Variants in MFSD6 observed in about 807,000 individuals in gnomAD.
MFSD6 encodes major facilitator superfamily domain-containing protein 6.
A neutral mutation model predicts 56.3 loss-of-function variants in MFSD6; 26 were observed. That is an observed-to-expected ratio of 0.46 (90% CI 0.34 to 0.64). MFSD6 has a LOEUF of 0.64. Among genes scored for constraint, MFSD6 ranks in the 30% least tolerant of loss-of-function variants. The pLI is 0.01. For synonymous variants in MFSD6, 331 were observed against 366.9 expected, an observed-to-expected ratio of 0.90 and a Z score of 1.12; for missense variants, 750 against 986.2, an observed-to-expected ratio of 0.76 and a Z score of 3.21.
chr2:190,484,425 T>C (rs768028803), intron 4 of MFSD6, among the ~76,000 whole-genome samples: 4 of 152,276 alleles, frequency 2.6e-5, no homozygotes, highest in Non-Finnish European at 5.9e-5. Flanking sequence ...ATTTTCTTTT[T>C]CTAGTTTATA....
rs1685802742 is a variant in MFSD6, at chr2:190,426,993, A to G, written c.-53-8984A>G. Among the ~76,000 whole-genome samples the G allele has an allele frequency of 6.6e-6, 1 of 152,172 alleles. No homozygotes were observed. Among genetic ancestry groups the G allele is most frequent in the African/African-American group, 2.4e-5 (1 of 41,450 alleles). Reference sequence around the variant, plus strand: ...GGTGAAAGACTTTTCATTACTGTGAAGTGGAGATGGGCATTTCAGCTCCCC... The same window carrying G: ...GGTGAAAGACTTTTCATTACTGTGAGGTGGAGATGGGCATTTCAGCTCCCC... On this transcript the variant is annotated intron_variant, in intron 2 of 7. Transcript: ENST00000392328. This position sits in a 1 kb window ranked among gnomAD's most constrained non-coding sequence, Gnocchi z 4.7.
rs991438325 is a variant in MFSD6, at chr2:190,417,052, C to T, written c.-54+1639C>T. Among the ~76,000 whole-genome samples, 4 of 151,832 alleles carry T rather than the reference C, an allele frequency of 2.6e-5. No individual in the cohort carries two copies. The South Asian group carries it at 6.2e-4, about 24-fold the overall frequency. ...GGGGTATACAGTCTTGTTGGGCAAA[C>T]GAGATATCTGTAAAAAGATAGCAAT... On this transcript the variant is annotated intron_variant, in intron 2 of 7. Transcript: ENST00000392328. The surrounding 1 kb of genome is among the most constrained non-coding windows in gnomAD (Gnocchi z 5.7).
Position 190,454,942 on chromosome 2 carries a change from G to A in MFSD6, c.1533-14816G>A. 1.6e-5 allele frequency among the ~76,000 whole-genome samples: 1 copy of A among 61,250 alleles called. No homozygotes were observed. Among genetic ancestry groups the A allele is most frequent in the Non-Finnish European group, 4.3e-5 (1 of 23,370 alleles). The allele number at this position is 61,250 out of a possible 152,430, so 40.2% of individuals were successfully genotyped here. On this transcript the variant is annotated intron_variant, in intron 3 of 7. Coordinates refer to ENST00000392328, the MANE Select transcript of MFSD6 (RefSeq NM_017694.4). The surrounding 1 kb of genome is among the most constrained non-coding windows in gnomAD (Gnocchi z 4.6). ...GTGTTCCTGGTTTCTGTATGTATAT[G>A]TATATGTATATGTATATGTATATGT...
chr2:190,444,711 CA>C (rs1173833915), intron 3 of MFSD6: 1 of 160,920 alleles, frequency 6.2e-6, no homozygotes, highest in African/African-American at 2.4e-5. Flanking sequence ...ATCAGTCCAA[CA>C]TTTCTACAGG....
chr2:190,482,907 C>G (rs1688774736), intron 4 of MFSD6, among the ~76,000 whole-genome samples: 1 of 13,956 alleles, frequency 7.2e-5, no homozygotes, highest in East Asian at 4.7e-3. Flanking sequence ...TTTTTTTAGA[C>G]GGAGTCTCAC....
In MFSD6 at chr2:190,489,712, T is replaced by A; in HGVS notation, c.1793-56T>A. 6.7e-7 allele frequency: 1 copy of A among 1,491,070 alleles called. No individual in the cohort carries two copies. Among genetic ancestry groups the A allele is most frequent in the Non-Finnish European group, 9.2e-7 (1 of 1,083,376 alleles). The allele number at this position is 1,491,070 out of a possible 1,614,324, so 92.4% of individuals were successfully genotyped here. A position where few individuals can be genotyped will look rare whatever the true frequency, so the allele number is the denominator to read the frequency against. Reference sequence around the variant, plus strand: ...TCTTTAGAAAACTGATGGTTTTAGATGAGCGCTATCTGCATTTCTTGGAAT... The same window carrying A: ...TCTTTAGAAAACTGATGGTTTTAGAAGAGCGCTATCTGCATTTCTTGGAAT... On this transcript the variant is annotated intron_variant, in intron 5 of 7. Transcript: ENST00000392328. The surrounding 1 kb of genome is among the most constrained non-coding windows in gnomAD (Gnocchi z 6.6).
rs1244908481 is a variant in MFSD6, at chr2:190,488,730, A to G, written c.1704A>G (p.Thr568=). 3 of 1,610,212 alleles carry G rather than the reference A, an allele frequency of 1.9e-6. No individual in the cohort carries two copies. Among genetic ancestry groups the G allele is most frequent in the Non-Finnish European group, 2.5e-6 (3 of 1,178,276 alleles). The change falls in exon 5 of 8, where the codon ACA becomes ACG. Residue 568 remains threonine, a synonymous_variant. Transcript: ENST00000392328. The surrounding 1 kb of genome is among the most constrained non-coding windows in gnomAD (Gnocchi z 6.4). ...CAGCCGTTCCCCCTGAGCTGAGGAC[A>G]TCTGCTCAGGGCATCCTGCAGGGCC... ...LSAAVPPELR[T]SAQGILQGLH... is the part of the protein sequence containing the mutation.
chr2:190,452,167 A>G (rs1686796189), intron 3 of MFSD6, among the ~76,000 whole-genome samples: 2 of 152,088 alleles, frequency 1.3e-5, no homozygotes, highest in South Asian at 2.1e-4. Flanking sequence ...AAAATCTCCA[A>G]TCGCTTGAAC....
chr2:190,414,164 T>C (rs1054789465), intron 1 of MFSD6, among the ~76,000 whole-genome samples: 1 of 152,032 alleles, frequency 6.6e-6, no homozygotes, highest in African/African-American at 2.4e-5. Flanking sequence ...AAATAACTAA[T>C]GCATGTGGGG....
chr2:190,432,826 C>T (rs1333537417), intron 2 of MFSD6, among the ~76,000 whole-genome samples: 1 of 151,516 alleles, frequency 6.6e-6, no homozygotes, highest in African/African-American at 2.4e-5. Flanking sequence ...ACCCCCGCCC[C>T]CCAACACACA....
rs1470199302 is a variant in MFSD6, at chr2:190,501,975, T to G, written c.*1757T>G. 6.5e-6 allele frequency: 1 copy of G among 152,684 alleles called. No homozygotes were observed. The highest frequency in any genetic ancestry group is 1.5e-5 in the Non-Finnish European group (1 of 68,038). 9.5% of individuals were successfully genotyped at this position (152,684 alleles called of 1,614,324 possible). A position where few individuals can be genotyped will look rare whatever the true frequency, so the allele number is the denominator to read the frequency against. ...CTGACTGTAGGAAGTCAAAAACTTG[T>G]ACTGTATCTTGTGTTTACAGTTCTG... On this transcript the variant is annotated 3_prime_UTR_variant, in exon 8 of 8. Coordinates refer to ENST00000392328, the MANE Select transcript of MFSD6 (RefSeq NM_017694.4).
rs559834194 is a variant in MFSD6 at position 190,475,474 on chromosome 2, G to C, written c.1630+5619G>C. Reference sequence around the variant, plus strand: ...CTCCCATTCACAATTGCTTCAAAGAGAATAAAATACCTAGGAATCCAACTT... The same window carrying C: ...CTCCCATTCACAATTGCTTCAAAGACAATAAAATACCTAGGAATCCAACTT... On this transcript the variant is annotated intron_variant, in intron 4 of 7. Transcript: ENST00000392328. Among the ~76,000 whole-genome samples the C allele has an allele frequency of 3.9e-5, 6 of 152,138 alleles. No homozygotes were observed. In the East Asian group the frequency reaches 5.8e-4, roughly 15 times the overall value.
Position 190,423,718 on chromosome 2 carries a change from G to C in MFSD6, c.-54+8305G>C, listed in dbSNP as rs918474730. ...TAGTTTTATTAGAAACTGCTAAACT[G>C]CTTTCTAGAGTGGTGTACCATTTTA... On this transcript the variant is annotated intron_variant, in intron 2 of 7. Transcript: ENST00000392328. This position sits in a 1 kb window ranked among gnomAD's most constrained non-coding sequence, Gnocchi z 4.3. Among the ~76,000 whole-genome samples the C allele has an allele frequency of 6.6e-5, 10 of 152,194 alleles. No homozygotes were observed. The highest frequency in any genetic ancestry group is 1.3e-4 in the Admixed American group (2 of 15,282).
chr2:190,451,491 C>T lies in MFSD6; in HGVS notation c.1532+13930C>T, dbSNP rs1357495596. Among the ~76,000 whole-genome samples, 1 of 152,162 alleles carries T rather than the reference C, an allele frequency of 6.6e-6. No homozygotes were observed. Among genetic ancestry groups the T allele is most frequent in the Non-Finnish European group, 1.5e-5 (1 of 68,040 alleles). The stretch of plus-strand genomic sequence containing the variant: ...AATAAGAAAGATAAAGGTCAGTCCT[C>T]GTGGGACTCACATTCTACTGGGGCA... On this transcript the variant is annotated intron_variant, in intron 3 of 7. Transcript: ENST00000392328. This position sits in a 1 kb window ranked among gnomAD's most constrained non-coding sequence, Gnocchi z 5.0.
At position 190,417,965 on chromosome 2, in the gene MFSD6, GGTGTGTGTGTGTGTGTGT is replaced by G. The variant is rs59001642; in HGVS notation, c.-54+2571_-54+2588del. On this transcript the variant is annotated intron_variant, in intron 2 of 7. Transcript: ENST00000392328. The surrounding 1 kb of genome is among the most constrained non-coding windows in gnomAD (Gnocchi z 5.7). The stretch of plus-strand genomic sequence containing the variant: ...CTGACTTTTCATTTAACCCTTTAGT[GGTGTGTGTGTGTGTGTGT>G]GTGTGTGTGTGTGTGTGTATGTGAG... Among the ~76,000 whole-genome samples the G allele has an allele frequency of 1.4e-5, 2 of 144,712 alleles. No individual in the cohort carries two copies. The highest frequency in any genetic ancestry group is 2.2e-4 in the South Asian group (1 of 4,450). 94.9% of individuals were successfully genotyped at this position (144,712 alleles called of 152,430 possible).
chr2:190,444,856 A>T, intron 3 of MFSD6: 1 of 817,102 alleles, frequency 1.2e-6, no homozygotes, highest in Non-Finnish European at 1.5e-6. Context: ...CCTATTTTAA[A>T]TTCCAATTAT....
At chr2:190,445,461 A>AAC (rs1415793150) in intron 3 of MFSD6, among the ~76,000 whole-genome samples, 4 of 148,946 alleles carry the variant, frequency 2.7e-5, no homozygotes, top group Non-Finnish European at 3.0e-5. Flanking sequence ...CAATCACAAA[A>AAC]AAAAAAACCC....
At position 190,433,959 on chromosome 2, in the gene MFSD6, G is replaced by A. The variant is rs1043880756; in HGVS notation, c.-53-2018G>A. Among the ~76,000 whole-genome samples the A allele has an allele frequency of 2.0e-5, 3 of 152,136 alleles. No individual in the cohort carries two copies. Among genetic ancestry groups the A allele is most frequent in the Admixed American group, 1.3e-4 (2 of 15,268 alleles). ...TAATCCCAGCACTTTGGGAGGCTGA[G>A]GCAAGAGGATCACTTGAGCCCAGGA... On this transcript the variant is annotated intron_variant, in intron 2 of 7. Coordinates refer to ENST00000392328, the MANE Select transcript of MFSD6 (RefSeq NM_017694.4). The surrounding 1 kb of genome is among the most constrained non-coding windows in gnomAD (Gnocchi z 4.5).
At chr2:190,449,351 GTA>G (rs1450042992) in intron 3 of MFSD6, among the ~76,000 whole-genome samples, 1 of 152,118 alleles carries the variant, frequency 6.6e-6, no homozygotes, top group Non-Finnish European at 1.5e-5. Flanking sequence ...GCGGGCACTT[GTA>G]GTCCCAGCTA....
Sources: allele counts gnomAD v4.1 joint callset (sites outside exome capture counted in the v4.1 genomes callset), GRCh38; gene constraint gnomAD v4.1.1; non-coding constraint Gnocchi (gnomAD v3.1); transcripts MANE v1.5; gene names NCBI Gene and HGNC (gene_info 2026-07-23, HGNC 2026-07-21).